The following EPHB1 variants were observed in gnomAD, a reference collection of about 807,000 sequenced individuals.
EPHB1 encodes EPH receptor B1.
In EPHB1, 30 loss-of-function variants were observed where a neutral mutation model predicts 94.4. The observed-to-expected ratio is 0.32, with a 90% CI of 0.24 to 0.43. EPHB1 has a LOEUF of 0.43. Ranked by LOEUF, EPHB1 falls within the 20% of genes least tolerant of loss-of-function variation. The pLI is 1.00. For missense variants in EPHB1, 1,055 were observed against 1,308.3 expected, an observed-to-expected ratio of 0.81 and a Z score of 2.99; for synonymous variants, 522 against 489.1, an observed-to-expected ratio of 1.07 and a Z score of -0.89.
intron 3 of EPHB1, among the ~76,000 whole-genome samples, chr3:134,986,237 T>G (rs1934589927): frequency 6.6e-6 from 1 of 152,198 alleles, no homozygotes; most frequent in Non-Finnish European, 1.5e-5. Context: ...GATTATTCCA[T>G]GAAACCAAAT....
At chr3:135,007,091 A>T (rs571501132) in intron 3 of EPHB1, among the ~76,000 whole-genome samples, 4 of 152,208 alleles carry the variant, frequency 2.6e-5, no homozygotes, top group South Asian at 2.1e-4. Flanking sequence ...TGCCTGGGAT[A>T]TGAAAGATCT....
intron 1 of EPHB1, among the ~76,000 whole-genome samples, chr3:134,888,324 A>C (rs990780866): frequency 1.3e-5 from 2 of 152,124 alleles, no homozygotes; most frequent in Non-Finnish European, 2.9e-5. Flanking sequence ...GCCATGAGGG[A>C]GGGGGATTCC....
chr3:134,819,639 G>A (rs2036342906), intron 1 of EPHB1, among the ~76,000 whole-genome samples: 1 of 152,156 alleles, frequency 6.6e-6, no homozygotes, highest in Admixed American at 6.5e-5. Context: ...GCAGTGTGGG[G>A]TTCTGCTTGG....
At chr3:135,107,399 C>T (rs1018443188) in intron 4 of EPHB1, among the ~76,000 whole-genome samples, 3 of 151,164 alleles carry the variant, frequency 2.0e-5, no homozygotes, top group African/African-American at 7.2e-5. Flanking sequence ...ACTGTCCCTG[C>T]ACAGTACTTT....
chr3:134,835,717 G>T (rs2036661959), intron 1 of EPHB1, among the ~76,000 whole-genome samples: 1 of 152,180 alleles, frequency 6.6e-6, no homozygotes, highest in South Asian at 2.1e-4. Context: ...GATCCTTGAG[G>T]GTGTCTCTGT....
chr3:134,963,105 C>T (rs1169854969), intron 3 of EPHB1, among the ~76,000 whole-genome samples: 3 of 151,488 alleles, frequency 2.0e-5, no homozygotes, highest in African/African-American at 4.8e-5. Flanking sequence ...CCCTCCCTTC[C>T]CCTCCTCTCC....
At chr3:135,118,540 C>T (rs767945113) in intron 4 of EPHB1, among the ~76,000 whole-genome samples, 13 of 152,286 alleles carry the variant, frequency 8.5e-5, no homozygotes, top group South Asian at 2.1e-4. Flanking sequence ...TTTCCTTCTA[C>T]GCCTGACAAG....
intron 3 of EPHB1, among the ~76,000 whole-genome samples, chr3:135,086,401 C>A (rs1043223608): frequency 6.6e-6 from 1 of 151,772 alleles, no homozygotes; most frequent in East Asian, 2.0e-4. Context: ...AGTTCGACAT[C>A]GTGCCCCACT....
intron 5 of EPHB1, among the ~76,000 whole-genome samples, chr3:135,141,867 G>A (rs1183500777): frequency 6.6e-6 from 1 of 152,202 alleles, no homozygotes; most frequent in Non-Finnish European, 1.5e-5. Flanking sequence ...TCCTCAGGGA[G>A]GGGCCTGGCC....
At chr3:135,166,443 G>C (rs1045038579) in intron 8 of EPHB1, among the ~76,000 whole-genome samples, 3 of 152,188 alleles carry the variant, frequency 2.0e-5, no homozygotes, top group African/African-American at 7.2e-5. Flanking sequence ...GCTCTCAGCA[G>C]CCAGCAAGAG....
At chr3:134,905,832 A>G (rs1486302568) in intron 1 of EPHB1, among the ~76,000 whole-genome samples, 1 of 152,210 alleles carries the variant, frequency 6.6e-6, no homozygotes, top group African/African-American at 2.4e-5. Context: ...ATTCCCAGGC[A>G]GTCCTTGGAC....
chr3:135,174,748 C>T (rs1419301944), intron 9 of EPHB1, among the ~76,000 whole-genome samples: 1 of 152,188 alleles, frequency 6.6e-6, no homozygotes, highest in African/African-American at 2.4e-5. Flanking sequence ...CATAAAACCC[C>T]TTGTGCTTAA....
intron 3 of EPHB1, among the ~76,000 whole-genome samples, chr3:135,005,740 C>T (rs1935381164): frequency 6.6e-6 from 1 of 152,220 alleles, no homozygotes. Context: ...GTCCATCACC[C>T]CTTTCTTTGA....
intron 1 of EPHB1, among the ~76,000 whole-genome samples, chr3:134,885,837 T>C (rs2037852206): frequency 6.6e-6 from 1 of 152,036 alleles, no homozygotes; most frequent in African/African-American, 2.4e-5. Flanking sequence ...TGACAGACTT[T>C]TGGAGAATGA....
rs1247925315 is a variant in EPHB1, at chr3:135,189,464, C to T, written c.1883-3112C>T. ...AGGGCCGGATGTTCAGAAGGACATG[C>T]ACTTGGTTTAATGCTCTGCTGTTAC... On this transcript the variant is annotated intron_variant, in intron 10 of 15. Coordinates refer to ENST00000398015, the MANE Select transcript of EPHB1 (RefSeq NM_004441.5). 2.6e-5 allele frequency among the ~76,000 whole-genome samples: 4 copies of T among 152,210 alleles called. No homozygotes were observed. In the East Asian group the frequency reaches 5.8e-4, roughly 22 times the overall value.
chr3:135,053,586 C>T (rs1204546403), intron 3 of EPHB1, among the ~76,000 whole-genome samples: 3 of 152,274 alleles, frequency 2.0e-5, no homozygotes, highest in Non-Finnish European at 1.5e-5. Context: ...GTTTGATGCT[C>T]TCTGTATATG....
intron 5 of EPHB1, among the ~76,000 whole-genome samples, chr3:135,146,550 T>G (rs1159004985): frequency 6.6e-6 from 1 of 152,152 alleles, no homozygotes; most frequent in Non-Finnish European, 1.5e-5. Flanking sequence ...CTCCTTATCC[T>G]TAGGGACAAG....
chr3:134,874,157 T>G (rs1035371192), intron 1 of EPHB1, among the ~76,000 whole-genome samples: 1 of 151,902 alleles, frequency 6.6e-6, no homozygotes, highest in Admixed American at 6.6e-5. Context: ...ATCTCAAAAT[T>G]TGGGTTTTTT....
intron 5 of EPHB1, among the ~76,000 whole-genome samples, chr3:135,152,738 A>C (rs1265515980): frequency 5.3e-5 from 8 of 152,124 alleles, no homozygotes. Context: ...CTGCCATGGC[A>C]TCCCTGCTGC....
Sources: gnomAD v4.1 joint callset for allele counts (sites outside exome capture counted in the v4.1 genomes callset) on GRCh38, gnomAD v4.1.1 for gene constraint, MANE v1.5 for transcripts, NCBI Gene and HGNC (gene_info 2026-07-23, HGNC 2026-07-21) for gene names.